The following TAFA1 variants were observed in gnomAD, a reference collection of about 807,000 sequenced individuals.
TAFA1 encodes the protein TAFA chemokine like family member 1.
Under a neutral mutation model 18.5 loss-of-function variants are expected in TAFA1, and 4 were observed. That is an observed-to-expected ratio of 0.22 (90% CI 0.11 to 0.49). The LOEUF (loss-of-function observed/expected upper bound fraction) is 0.49, where lower values mean the gene tolerates loss of function less well. Ranked by LOEUF, TAFA1 falls within the 20% of genes least tolerant of loss-of-function variation. The probability of loss-of-function intolerance (pLI) is 0.98; values close to 1 mark genes in which losing one functional copy is unlikely to be tolerated. For synonymous variants in TAFA1, 56 were observed against 55.2 expected (o/e 1.01, Z -0.06); for missense variants, 147 against 169.0 (o/e 0.87, Z 0.72).
intron 2 of TAFA1, among the ~76,000 whole-genome samples, chr3:68,415,286 A>G (rs1477296847): frequency 6.6e-6 from 1 of 152,182 alleles, no homozygotes; most frequent in African/African-American, 2.4e-5. Context: ...ATTCCCATTC[A>G]TTGCTGTGAG....
At chr3:68,254,172 T>TCCATCTAC (rs2067252887) in intron 2 of TAFA1, among the ~76,000 whole-genome samples, 1 of 148,976 alleles carries the variant, frequency 6.7e-6, no homozygotes. Context: ...TATCTATCTA[T>TCCATCTAC]CTATCTATCT....
At chr3:68,083,663 C>T (rs748478298) in intron 2 of TAFA1, among the ~76,000 whole-genome samples, 3 of 152,186 alleles carry the variant, frequency 2.0e-5, no homozygotes, top group Admixed American at 6.5e-5. Context: ...AGCATCACTG[C>T]AGATCTGAGC....
At chr3:68,003,011 C>T (rs1992867), upstream of TAFA1, among the ~76,000 whole-genome samples, 148,046 of 152,342 alleles carry the variant, frequency 0.97, 71,953 homozygotes, top group African/African-American at 0.99. Flanking sequence ...TTTCTGTACA[C>T]ACTCATGAAC....
intron 2 of TAFA1, among the ~76,000 whole-genome samples, chr3:68,012,897 G>A (rs113121348): frequency 1.1e-4 from 17 of 152,100 alleles, no homozygotes; most frequent in African/African-American, 3.6e-4. Flanking sequence ...GATACTCCTT[G>A]GACAAAAGTG....
intron 2 of TAFA1, among the ~76,000 whole-genome samples, chr3:68,378,003 C>T (rs1248114416): frequency 6.6e-6 from 1 of 152,188 alleles, no homozygotes; most frequent in African/African-American, 2.4e-5. Context: ...ATGAAAACGC[C>T]TGGATGTCCA....
chr3:68,160,114 T>A lies in TAFA1; in HGVS notation c.118+153370T>A, dbSNP rs1478104980. Among the ~76,000 whole-genome samples the A allele has an allele frequency of 2.6e-5, 4 of 152,312 alleles. No homozygotes were observed. The East Asian group carries it at 7.7e-4, about 29-fold the overall frequency. On this transcript the variant is annotated intron_variant, in intron 2 of 4. Coordinates refer to ENST00000478136, the MANE Select transcript of TAFA1 (RefSeq NM_213609.4). Reference sequence around the variant, plus strand: ...AGCTCTTGGGCTTCTGCAAGGTCAGTGGTATGATCTTTACTTTATAGTGAG... The same window carrying A: ...AGCTCTTGGGCTTCTGCAAGGTCAGAGGTATGATCTTTACTTTATAGTGAG...
At chr3:68,420,737 G>A (rs879827653) in intron 3 of TAFA1, among the ~76,000 whole-genome samples, 5 of 152,054 alleles carry the variant, frequency 3.3e-5, no homozygotes, top group South Asian at 2.1e-4. Context: ...CAACCCCTGC[G>A]CCCCCGAATC....
At chr3:68,030,217 C>G (rs567861918) in intron 2 of TAFA1, among the ~76,000 whole-genome samples, 1 of 151,906 alleles carries the variant, frequency 6.6e-6, no homozygotes, top group South Asian at 2.1e-4. Flanking sequence ...AAAAATAAAA[C>G]CAGTTCATGC....
At chr3:68,303,754 A>C (rs553426105) in intron 2 of TAFA1, among the ~76,000 whole-genome samples, 1 of 152,060 alleles carries the variant, frequency 6.6e-6, no homozygotes, top group Non-Finnish European at 1.5e-5. Flanking sequence ...CGGCCTGAAA[A>C]CTTTTTAGAA....
intron 2 of TAFA1, among the ~76,000 whole-genome samples, chr3:68,078,705 C>T (rs980785956): frequency 9.9e-4 from 151 of 152,070 alleles, no homozygotes; most frequent in African/African-American, 3.4e-3. Context: ...CTGCTGGATT[C>T]GGTTTGCCAG....
chr3:68,252,209 AC>A (rs1322057638), intron 2 of TAFA1, among the ~76,000 whole-genome samples: 1 of 151,908 alleles, frequency 6.6e-6, no homozygotes, highest in Non-Finnish European at 1.5e-5. Flanking sequence ...ACCAGATGTA[AC>A]CCTTCTTTTC....
intron 2 of TAFA1, among the ~76,000 whole-genome samples, chr3:68,366,822 A>G (rs2069582366): frequency 6.6e-6 from 1 of 152,240 alleles, no homozygotes; most frequent in Admixed American, 6.5e-5. Flanking sequence ...TGTGCTCAAT[A>G]AACAGAACTC....
intron 2 of TAFA1, among the ~76,000 whole-genome samples, chr3:68,369,458 T>A (rs1414558586): frequency 1.3e-5 from 2 of 152,356 alleles, no homozygotes; most frequent in East Asian, 3.9e-4. Context: ...ACAATAAGGA[T>A]ATGTGTATTT....
At position 68,420,357 on chromosome 3, in the gene TAFA1, T is replaced by G. The variant is rs1354839793; in HGVS notation, c.259+2937T>G. ...TTACTGCAGCCTCAAACTGCCAGGT[T>G]CAAGCAACCATTCTCCCTCAACCTA... On this transcript the variant is annotated intron_variant, in intron 3 of 4. Coordinates refer to ENST00000478136, the MANE Select transcript of TAFA1 (RefSeq NM_213609.4). Among the ~76,000 whole-genome samples, 4 of 152,146 alleles carry G rather than the reference T, an allele frequency of 2.6e-5. No individual in the cohort carries two copies. The East Asian group carries it at 7.7e-4, about 29-fold the overall frequency.
intron 2 of TAFA1, among the ~76,000 whole-genome samples, chr3:68,256,243 G>A (rs890763913): frequency 2.6e-5 from 4 of 152,088 alleles, no homozygotes; most frequent in African/African-American, 9.7e-5. Flanking sequence ...AGTTTCCACA[G>A]TTGTAAATAC....
intron 2 of TAFA1, among the ~76,000 whole-genome samples, chr3:68,163,125 A>G (rs954735994): frequency 1.3e-5 from 2 of 152,238 alleles, no homozygotes; most frequent in African/African-American, 2.4e-5. Context: ...TTTCAAGAGC[A>G]TAACAATTTA....
In TAFA1 at chr3:68,341,941, G is replaced by A. The variant is rs370884043; in HGVS notation, c.119-75339G>A. On this transcript the variant is annotated intron_variant, in intron 2 of 4. Transcript: ENST00000478136. ...CTGAAAAGGCCTTGAGTACCAAGGT[G>A]GTTTTGGAACTAGTGGCATTTTGAG... is the stretch of plus-strand genomic sequence containing the variant. 5.9e-5 allele frequency among the ~76,000 whole-genome samples: 9 copies of A among 152,304 alleles called. No homozygotes were observed. The East Asian group carries it at 1.7e-3, about 29-fold the overall frequency.
At chr3:68,209,025 C>T (rs1281734729) in intron 2 of TAFA1, among the ~76,000 whole-genome samples, 1 of 151,920 alleles carries the variant, frequency 6.6e-6, no homozygotes, top group Non-Finnish European at 1.5e-5. Flanking sequence ...ATGGAAAGGG[C>T]CTGCGAGTAA....
chr3:68,230,463 A>G (rs1251704420), intron 2 of TAFA1, among the ~76,000 whole-genome samples: 1 of 152,156 alleles, frequency 6.6e-6, no homozygotes, highest in Admixed American at 6.5e-5. Context: ...ATTCTTTTTC[A>G]TGGCTGAATA....
Sources: gnomAD v4.1 joint callset for allele counts (sites outside exome capture counted in the v4.1 genomes callset) on GRCh38, gnomAD v4.1.1 for gene constraint, MANE v1.5 for transcripts, NCBI Gene and HGNC (gene_info 2026-07-23, HGNC 2026-07-21) for gene names.